GEMIN8: variants seen among roughly 807,000 people sequenced by gnomAD.
GEMIN8 encodes gem-associated protein 8.
For missense variants in GEMIN8, 185 were observed against 205.9 expected, an observed-to-expected ratio of 0.90 and a Z score of 0.62; for synonymous variants, 80 against 78.5, an observed-to-expected ratio of 1.02 and a Z score of -0.10.
intron 4 of GEMIN8, among the ~76,000 whole-genome samples, chrX:14,019,789 T>G (rs1924178070): frequency 1.2e-5 from 1 of 85,855 alleles, no homozygotes; most frequent in African/African-American, 4.3e-5. Flanking sequence ...CACACAAGCA[T>G]GCATGCATAC....
chrX:14,006,043 C>CT (rs63451962), downstream of GEMIN8, among the ~76,000 whole-genome samples: 1,468 of 97,402 alleles, frequency 0.015, 28 homozygotes, highest in African/African-American at 0.05. Context: ...GCTAGGGACA[C>CT]TTTTTTTTTT....
At chrX:13,994,585 T>C in the GEMIN8 span, among the ~76,000 whole-genome samples, 3 of 112,331 alleles carry the variant, frequency 2.7e-5, no homozygotes, top group African/African-American at 9.7e-5. Context: ...TTAAAATATG[T>C]TTGTGGTGAA....
Position 14,022,003 on chromosome X carries a change from ATATG to A in GEMIN8, c.-33-496_-33-493del, listed in dbSNP as rs780139136. On this transcript the variant is annotated intron_variant, in intron 2 of 4. Transcript: ENST00000680255. ...GTATATATAATGTATATATACACAT[ATATG>A]TATGTATACACATGTATATATACAC... 1.4e-3 allele frequency among the ~76,000 whole-genome samples: 136 copies of A among 100,127 alleles called. 1 individual carries two copies. The highest frequency in any genetic ancestry group is 0.011 in the South Asian group (25 of 2,237). 86.9% of individuals were successfully genotyped at this position (100,127 alleles called of 115,157 possible). A position where few individuals can be genotyped will look rare whatever the true frequency, so the allele number is the denominator to read the frequency against.
chrX:14,020,260 C>A lies in GEMIN8; in HGVS notation c.290G>T (p.Gly97Val). The A allele has an allele frequency of 1.7e-6, 2 of 1,210,963 alleles. No individual in the cohort carries two copies. Among genetic ancestry groups the A allele is most frequent in the Non-Finnish European group, 2.2e-6 (2 of 894,912 alleles). Reference sequence around the variant, plus strand: ...CCTACTGCTGTAACGTGGATGCTGCCCAGATCTTCTGAAATGTGAAGAACT... The same window carrying A: ...CCTACTGCTGTAACGTGGATGCTGCACAGATCTTCTGAAATGTGAAGAACT... ...PCSSSHFRRS[G>V]QHPRYSSRIQ... Residue 97 changes from glycine (G) to valine (V), a missense_variant, in exon 4 of 5, where the codon GGG becomes GTG. Physicochemically the swap from Gly to Val is moderately radical, Grantham distance 109. Transcript: ENST00000680255.
rs768846924 is a variant in GEMIN8 at position 14,009,034 on chromosome X, C to A, written c.608G>T (p.Arg203Leu). ...CTTGGCAGCACTGTCCCCGTACAAACGCTTCATCTCGGCCTGGCGCCGCTC... is the reference window on the plus strand; with the variant it reads ...CTTGGCAGCACTGTCCCCGTACAAAAGCTTCATCTCGGCCTGGCGCCGCTC... ...PGERRQAEMK[R>L]LYGDSAAKIQ... Residue 203 changes from arginine (R) to leucine (L), a missense_variant, in exon 5 of 5, where the codon CGT (arginine) becomes CTT (leucine). Arg to Leu is a moderately radical substitution (Grantham distance 102, BLOSUM62 -2). Transcript: ENST00000680255. 1.2e-5 allele frequency: 14 copies of A among 1,210,538 alleles called. No homozygotes were observed. In the East Asian group the frequency reaches 4.1e-4, roughly 36 times the overall value.
At chrX:13,985,307 C>T in the GEMIN8 span, among the ~76,000 whole-genome samples, 1 of 111,706 alleles carries the variant, frequency 9.0e-6, no homozygotes, top group African/African-American at 3.3e-5. Flanking sequence ...AAGTTCAAGT[C>T]AATGGGACTG....
At chrX:13,997,669 C>A in the GEMIN8 span, among the ~76,000 whole-genome samples, 1 of 111,608 alleles carries the variant, frequency 9.0e-6, no homozygotes. Flanking sequence ...CTGAGGCGGG[C>A]GGATCACCTG....
At chrX:14,016,031 G>A (rs1240971602) in intron 4 of GEMIN8, among the ~76,000 whole-genome samples, 2 of 111,793 alleles carry the variant, frequency 1.8e-5, no homozygotes, top group Non-Finnish European at 3.8e-5. Context: ...AAGTGCTGCT[G>A]AAAAAAATAA....
chrX:13,995,851 C>T, the GEMIN8 span, among the ~76,000 whole-genome samples: 76 of 111,549 alleles, frequency 6.8e-4, no homozygotes, highest in African/African-American at 2.1e-3. Flanking sequence ...AAATCTTTTG[C>T]GATGCAAAGG....
At position 14,009,320 on chromosome X, in the gene GEMIN8, G is replaced by A. The variant is rs762910829; in HGVS notation, c.473-151C>T. The A allele has an allele frequency of 1.9e-5, 10 of 524,607 alleles. No individual in the cohort carries two copies. The South Asian group carries it at 3.1e-4, about 16-fold the overall frequency. The allele number at this position is 524,607 out of a possible 1,213,427, so 43.2% of individuals were successfully genotyped here. ...TTTCCAACTGTGAAACCAGGCCCAA[G>A]TGTTCCAGATGAGATGCTTACCAGA... is the stretch of plus-strand genomic sequence containing the variant. On this transcript the variant is annotated intron_variant, in intron 4 of 4. Transcript: ENST00000680255.
At chrX:13,994,966 G>A in the GEMIN8 span, among the ~76,000 whole-genome samples, 10 of 112,021 alleles carry the variant, frequency 8.9e-5, no homozygotes, top group African/African-American at 3.2e-4. Context: ...CCCACAACAG[G>A]CTGTCTGCAA....
At chrX:13,989,597 C>A in the GEMIN8 span, among the ~76,000 whole-genome samples, 2 of 112,635 alleles carry the variant, frequency 1.8e-5, no homozygotes, top group Non-Finnish European at 3.8e-5. Context: ...TTCTAAATTT[C>A]AAATCCTGGC....
chrX:14,001,736 C>T (rs1569341275), downstream of GEMIN8, among the ~76,000 whole-genome samples: 3 of 111,476 alleles, frequency 2.7e-5, no homozygotes, highest in African/African-American at 9.7e-5. Context: ...TAGTCTCCAT[C>T]TCTTGACCTT....
chrX:13,986,514 C>T, the GEMIN8 span, among the ~76,000 whole-genome samples: 3 of 112,300 alleles, frequency 2.7e-5, no homozygotes, highest in African/African-American at 9.7e-5. Context: ...CAGGGTGTTA[C>T]CTTCCATCTA....
Position 14,008,877 on chromosome X carries a change from G to GGAA in GEMIN8, c.*33_*35dup. The GGAA allele has an allele frequency of 6.8e-6, 8 of 1,178,737 alleles. No homozygotes were observed. The highest frequency in any genetic ancestry group is 9.2e-6 in the Non-Finnish European group (8 of 869,917). ...AGAGATAAAGAGCGTGTACCCAAAA[G>GGAA]GAAGAAGGAGAGGCTGGGTACCCTG... On this transcript the variant is annotated 3_prime_UTR_variant, in exon 5 of 5. Coordinates refer to ENST00000680255, the MANE Select transcript of GEMIN8 (RefSeq NM_001042479.2).
At chrX:14,026,073 A>T (rs1158575329) in intron 2 of GEMIN8, 67 bp downstream of exon 2, 8 of 746,479 alleles carry the variant, frequency 1.1e-5, no homozygotes, top group Non-Finnish European at 1.3e-5. Context: ...AAGAGAGCTG[A>T]TGGTTGCTGC....
At chrX:13,999,271 A>ATTT in the GEMIN8 span, among the ~76,000 whole-genome samples, 164 of 88,919 alleles carry the variant, frequency 1.8e-3, 2 homozygotes, top group African/African-American at 6.4e-3. Context: ...CTGTATGTAG[A>ATTT]TTTTTTTTTT....
rs1235366788 is a variant in GEMIN8, at chrX:14,020,194, T to C, written c.356A>G (p.Glu119Gly). ...STKEDQALSK[E>G]EEMETESDAE... ...ATCTGACTCAGTCTCCATCTCTTCCTCTTTGGACAAAGCTTGGTCTTCTTT... is the reference window on the plus strand; with the variant it reads ...ATCTGACTCAGTCTCCATCTCTTCCCCTTTGGACAAAGCTTGGTCTTCTTT... The change falls in exon 4 of 5, where the codon GAG becomes GGG. Residue 119 changes from glutamate to glycine, a missense_variant. Transcript: ENST00000680255. 1 of 1,207,934 alleles carries C rather than the reference T, an allele frequency of 8.3e-7. No homozygotes were observed. Among genetic ancestry groups the C allele is most frequent in the Admixed American group, 2.2e-5 (1 of 45,998 alleles).
chrX:14,012,292 ATT>A (rs63295862), intron 4 of GEMIN8, among the ~76,000 whole-genome samples: 25,500 of 96,278 alleles, frequency 0.26, 2,659 homozygotes, highest in Non-Finnish European at 0.31. Context: ...TAATTTTTGT[ATT>A]TTTTTTTTTT....
Sources: gnomAD v4.1 joint callset for allele counts (sites outside exome capture counted in the v4.1 genomes callset) on GRCh38, gnomAD v4.1.1 for gene constraint, MANE v1.5 for transcripts, NCBI Gene and HGNC (gene_info 2026-07-23, HGNC 2026-07-21) for gene names.